Variants in HS6ST3 observed in about 807,000 individuals in gnomAD.
HS6ST3 encodes the protein heparan-sulfate 6-O-sulfotransferase 3.
In HS6ST3, 12 loss-of-function variants were observed where a neutral mutation model predicts 36.7. The ratio of observed to expected loss-of-function variants is 0.33; its 90% CI spans 0.21 to 0.53. The LOEUF is 0.53. HS6ST3 is among the 20% of genes least tolerant of loss of function. The pLI, the probability that HS6ST3 is intolerant of heterozygous loss-of-function variation, is 0.95. For synonymous variants in HS6ST3, 240 were observed against 257.5 expected (o/e 0.93, Z 0.65); for missense variants, 584 against 640.9 (o/e 0.91, Z 0.96).
intron 1 of HS6ST3, among the ~76,000 whole-genome samples, chr13:96,195,166 A>G (rs1166747810): frequency 6.6e-6 from 1 of 152,190 alleles, no homozygotes; most frequent in Non-Finnish European, 1.5e-5. Context: ...TAAAATGTCA[A>G]AACTAAAACG....
intron 1 of HS6ST3, among the ~76,000 whole-genome samples, chr13:96,460,659 G>A (rs2055779555): frequency 6.6e-6 from 1 of 152,102 alleles, no homozygotes; most frequent in African/African-American, 2.4e-5. Context: ...TTGATTTTTG[G>A]TATTTTTACA....
At chr13:96,205,022 C>T (rs1005194156) in intron 1 of HS6ST3, among the ~76,000 whole-genome samples, 2 of 151,946 alleles carry the variant, frequency 1.3e-5, no homozygotes, top group Non-Finnish European at 2.9e-5. Flanking sequence ...ACACAAAAAA[C>T]TCTTCAAAAA....
At chr13:96,520,587 A>G (rs771759975) in intron 1 of HS6ST3, among the ~76,000 whole-genome samples, 1 of 152,100 alleles carries the variant, frequency 6.6e-6, no homozygotes, top group Non-Finnish European at 1.5e-5. Flanking sequence ...TGTAAGTTGC[A>G]TTCCTAGGTA....
intron 1 of HS6ST3, among the ~76,000 whole-genome samples, chr13:96,402,727 C>T (rs914995039): frequency 6.6e-6 from 1 of 152,188 alleles, no homozygotes; most frequent in African/African-American, 2.4e-5. Context: ...TCGACATTCA[C>T]TCATGTGGTT....
Position 96,300,911 on chromosome 13 carries a change from A to G in HS6ST3, c.707+209342A>G, listed in dbSNP as rs1038218710. On this transcript the variant is annotated intron_variant, in intron 1 of 1. Transcript: ENST00000376705. ...ATTTTGCGTAACATCAAAAAATACCAGAAGTACCATTAGAAGGAAGACATT... is the reference window on the plus strand; with the variant it reads ...ATTTTGCGTAACATCAAAAAATACCGGAAGTACCATTAGAAGGAAGACATT... 2.0e-5 allele frequency among the ~76,000 whole-genome samples: 3 copies of G among 152,226 alleles called. No homozygotes were observed. In the East Asian group the frequency reaches 5.8e-4, roughly 29 times the overall value.
Position 96,833,929 on chromosome 13 carries a change from G to C in HS6ST3, c.*731G>C, listed in dbSNP as rs1878865905. 6.6e-6 allele frequency: 1 copy of C among 152,160 alleles called. No homozygotes were observed. Among genetic ancestry groups the C allele is most frequent in the African/African-American group, 2.4e-5 (1 of 41,430 alleles). 9.4% of individuals were successfully genotyped at this position (152,160 alleles called of 1,614,324 possible). On this transcript the variant is annotated 3_prime_UTR_variant, in exon 2 of 2. Transcript: ENST00000376705. ...TGTAACCCCTGAGAAATGAACATTG[G>C]TAGGAGCATTTAAGAGAAAACTTGC...
At chr13:96,474,130 A>G (rs2055852010) in intron 1 of HS6ST3, among the ~76,000 whole-genome samples, 1 of 152,178 alleles carries the variant, frequency 6.6e-6, no homozygotes, top group African/African-American at 2.4e-5. Flanking sequence ...TTGCTGGTCA[A>G]TGAATCCTCT....
chr13:96,207,037 G>T (rs1008727047), intron 1 of HS6ST3, among the ~76,000 whole-genome samples: 3 of 151,174 alleles, frequency 2.0e-5, no homozygotes, highest in African/African-American at 7.4e-5. Flanking sequence ...AAAGAATGGA[G>T]AAGATTTTTG....
intron 1 of HS6ST3, among the ~76,000 whole-genome samples, chr13:96,261,198 CATATA>C (rs1156833778): frequency 6.6e-6 from 1 of 151,278 alleles, no homozygotes; most frequent in Non-Finnish European, 1.5e-5. Flanking sequence ...GTTTTAATAA[CATATA>C]ATAGGAACTG....
chr13:96,494,108 C>A (rs1196449945), intron 1 of HS6ST3, among the ~76,000 whole-genome samples: 3 of 151,646 alleles, frequency 2.0e-5, no homozygotes, highest in Non-Finnish European at 4.4e-5. Flanking sequence ...TACCTTTTGG[C>A]TGCATAAATG....
At chr13:96,497,395 A>G (rs1488560706) in intron 1 of HS6ST3, among the ~76,000 whole-genome samples, 1 of 152,200 alleles carries the variant, frequency 6.6e-6, no homozygotes, top group Non-Finnish European at 1.5e-5. Context: ...AGTTATTACT[A>G]TCTTTCAGTC....
intron 1 of HS6ST3, among the ~76,000 whole-genome samples, chr13:96,360,174 A>T (rs2055230568): frequency 6.6e-6 from 1 of 152,096 alleles, no homozygotes; most frequent in Admixed American, 6.6e-5. Context: ...TGCTGGCACA[A>T]TCCAACAGCA....
At chr13:96,398,509 C>T (rs2055433550) in intron 1 of HS6ST3, among the ~76,000 whole-genome samples, 1 of 152,160 alleles carries the variant, frequency 6.6e-6, no homozygotes, top group Admixed American at 6.5e-5. Flanking sequence ...AACTCCTGAC[C>T]TCAAGTGACT....
At chr13:96,816,295 G>A (rs979333664) in intron 1 of HS6ST3, among the ~76,000 whole-genome samples, 8 of 152,190 alleles carry the variant, frequency 5.3e-5, no homozygotes, top group African/African-American at 1.7e-4. Flanking sequence ...ATTAAGAGGG[G>A]CTACTGCTCT....
Position 96,780,074 on chromosome 13 carries a change from A to T in HS6ST3, c.708-52416A>T, listed in dbSNP as rs561177512. ...GATGGATCTCAGTGGCAGACCTGGA[A>T]CACAGTTCCTAAGGCAAGGCTCAGA... On this transcript the variant is annotated intron_variant, in intron 1 of 1. Transcript: ENST00000376705. 2.0e-5 allele frequency among the ~76,000 whole-genome samples: 3 copies of T among 152,302 alleles called. No homozygotes were observed. In the South Asian group the frequency reaches 6.2e-4, roughly 32 times the overall value.
chr13:96,615,965 G>T (rs1230245456), intron 1 of HS6ST3, among the ~76,000 whole-genome samples: 1 of 152,126 alleles, frequency 6.6e-6, no homozygotes, highest in Non-Finnish European at 1.5e-5. Flanking sequence ...TAACAATTTA[G>T]AGAAAGGATC....
intron 1 of HS6ST3, among the ~76,000 whole-genome samples, chr13:96,720,505 AAGAG>A (rs1314719513): frequency 6.6e-6 from 1 of 152,088 alleles, no homozygotes; most frequent in East Asian, 1.9e-4. Flanking sequence ...AAAAAAAATG[AAGAG>A]AGAGTCTTTC....
intron 1 of HS6ST3, among the ~76,000 whole-genome samples, chr13:96,097,537 C>G (rs1392724225): frequency 6.6e-6 from 1 of 151,678 alleles, no homozygotes; most frequent in South Asian, 2.1e-4. Flanking sequence ...TTTTTGAGTT[C>G]GTTAGATTGT....
chr13:96,147,386 G>A (rs1047107890), intron 1 of HS6ST3, among the ~76,000 whole-genome samples: 2 of 152,156 alleles, frequency 1.3e-5, no homozygotes, highest in Non-Finnish European at 2.9e-5. Flanking sequence ...ATAAGAAGTC[G>A]TAATGAAACT....
Sources: gnomAD v4.1 joint callset for allele counts (sites outside exome capture counted in the v4.1 genomes callset) on GRCh38, gnomAD v4.1.1 for gene constraint, MANE v1.5 for transcripts, NCBI Gene and HGNC (gene_info 2026-07-23, HGNC 2026-07-21) for gene names.